Variants in SNX33 observed in about 807,000 individuals in gnomAD.
The protein encoded by SNX33 is sorting nexin-33.
In SNX33, 19 loss-of-function variants were observed where a neutral mutation model predicts 38.8. The ratio of observed to expected loss-of-function variants is 0.49; its 90% CI spans 0.34 to 0.72. The LOEUF (loss-of-function observed/expected upper bound fraction) is 0.72, where lower values mean the gene tolerates loss of function less well. Among genes scored for constraint, SNX33 ranks in the 30% least tolerant of loss-of-function variants. The probability of loss-of-function intolerance (pLI) is 0.01; values close to 1 mark genes in which losing one functional copy is unlikely to be tolerated. For missense variants in SNX33, 641 were observed against 776.4 expected, an observed-to-expected ratio of 0.83 and a Z score of 2.07; for synonymous variants, 246 against 289.7, an observed-to-expected ratio of 0.85 and a Z score of 1.53.
Position 75,649,486 on chromosome 15 carries a change from G to A in SNX33, c.384G>A (p.Glu128=), listed in dbSNP as rs1486569126. Reference sequence around the variant, plus strand: ...GGGACGACGGATGCACAGTGGTGGAGGAGCCACGGGCTGGTGGGCTGGGCA... The same window carrying A: ...GGGACGACGGATGCACAGTGGTGGAAGAGCCACGGGCTGGTGGGCTGGGCA... ...DDWDDGCTVV[E]EPRAGGLGTN... The change falls in exon 1 of 2, where the codon GAG becomes GAA. Residue 128 remains glutamate (E), a synonymous_variant. Coordinates refer to ENST00000308527, the MANE Select transcript of SNX33 (RefSeq NM_153271.2). The surrounding 1 kb of genome is among the most constrained non-coding windows in gnomAD (Gnocchi z 6.6). 5 of 1,551,736 alleles carry A rather than the reference G, an allele frequency of 3.2e-6. No individual in the cohort carries two copies. The highest frequency in any genetic ancestry group is 4.4e-6 in the Non-Finnish European group (5 of 1,145,972).
At position 75,650,470 on chromosome 15, in the gene SNX33, G is replaced by A. The variant is rs1015086590; in HGVS notation, c.1368G>A (p.Met456Ile). Residue 456 changes from methionine to isoleucine, a missense_variant, in exon 1 of 2, where the codon ATG (methionine) becomes ATA (isoleucine). This residue lies in a region of SNX33 where 398 missense variants were observed against 542.5 expected (regional missense o/e 0.73). Transcript: ENST00000308527. This position sits in a 1 kb window ranked among gnomAD's most constrained non-coding sequence, Gnocchi z 6.1. ...TGRTYEAIGE[M>I]FAEQPKNDLF... ...GTACCTATGAAGCCATCGGGGAGAT[G>A]TTTGCTGAGCAGCCCAAGAATGACC... 27 of 1,614,046 alleles carry A rather than the reference G, an allele frequency of 1.7e-5. No homozygotes were observed. Among genetic ancestry groups the A allele is most frequent in the Non-Finnish European group, 2.1e-5 (25 of 1,180,040 alleles).
At chr15:75,652,050 T>C (rs1351909699) in intron 1 of SNX33, among the ~76,000 whole-genome samples, 2 of 147,666 alleles carry the variant, frequency 1.4e-5, no homozygotes, top group East Asian at 4.3e-4. Flanking sequence ...TTCCTCCTCC[T>C]CTGAACTCCA....
rs2141396617 is a variant in SNX33, at chr15:75,649,975, G to C, written c.873G>C (p.Glu291Asp). The change falls in exon 1 of 2, where the codon GAG (glutamate) becomes GAC (aspartate). Residue 291 changes from glutamate (E) to aspartate (D), a missense_variant. Physicochemically the swap from Glu to Asp is conservative, Grantham distance 45 (BLOSUM62 2). This residue lies in a region of SNX33 where 398 missense variants were observed against 542.5 expected (regional missense o/e 0.73). Coordinates refer to ENST00000308527, the MANE Select transcript of SNX33 (RefSeq NM_153271.2). This position sits in a 1 kb window ranked among gnomAD's most constrained non-coding sequence, Gnocchi z 6.6. The stretch of plus-strand genomic sequence containing the variant: ...TCATCTCGGTGCCCCACCTGCCTGA[G>C]AAGCAGGCCACTGGCCGCTTCGAGG... ...FTVISVPHLPEKQATGRFEED... is the reference protein window; with the variant it reads ...FTVISVPHLPDKQATGRFEED... 1 of 1,603,644 alleles carries C rather than the reference G, an allele frequency of 6.2e-7. No homozygotes were observed. The highest frequency in any genetic ancestry group is 2.2e-5 in the East Asian group (1 of 44,772).
In SNX33 at chr15:75,652,439, C is replaced by T. The variant is rs1893597346; in HGVS notation, c.1471+1866C>T. Reference sequence around the variant, plus strand: ...GGGGAATGCAATGATTAAACAGATGCTCCCATGCAGTGGCTGGGGACCCCC... The same window carrying T: ...GGGGAATGCAATGATTAAACAGATGTTCCCATGCAGTGGCTGGGGACCCCC... On this transcript the variant is annotated intron_variant, in intron 1 of 1. Coordinates refer to ENST00000308527, the MANE Select transcript of SNX33 (RefSeq NM_153271.2). Among the ~76,000 whole-genome samples the T allele has an allele frequency of 3.9e-5, 6 of 152,336 alleles. No individual in the cohort carries two copies. The South Asian group carries it at 1.2e-3, about 32-fold the overall frequency.
intron 1 of SNX33, 35 bp from the exon 2 acceptor site, chr15:75,656,927 C>A (rs1396143919): frequency 1.3e-6 from 2 of 1,596,562 alleles, no homozygotes; most frequent in Non-Finnish European, 1.7e-6. Flanking sequence ...GAGATCAGAG[C>A]CCTCACACGC....
In SNX33 at chr15:75,661,737, T is replaced by A. The variant is rs1274362775; in HGVS notation, c.*4522T>A. 6.6e-6 allele frequency: 1 copy of A among 152,148 alleles called. No homozygotes were observed. The highest frequency in any genetic ancestry group is 1.5e-5 in the Non-Finnish European group (1 of 68,030). 9.4% of individuals were successfully genotyped at this position (152,148 alleles called of 1,614,324 possible). A position where few individuals can be genotyped will look rare whatever the true frequency, so the allele number is the denominator to read the frequency against. On this transcript the variant is annotated 3_prime_UTR_variant, in exon 2 of 2. Transcript: ENST00000308527. This position sits in a 1 kb window ranked among gnomAD's most constrained non-coding sequence, Gnocchi z 4.5. ...CCTGCCTAGGTTCACACAGGGAATC[T>A]CTGGCGGGGCTGGACTCAAACCCAG...
Position 75,660,949 on chromosome 15 carries a change from A to C in SNX33, c.*3734A>C, listed in dbSNP as rs1344476625. The C allele has an allele frequency of 1.3e-5, 2 of 152,204 alleles. No individual in the cohort carries two copies. Among genetic ancestry groups the C allele is most frequent in the East Asian group, 3.9e-4 (2 of 5,180 alleles). 9.4% of individuals were successfully genotyped at this position (152,204 alleles called of 1,614,324 possible). ...GCAATTGGGATGACTGGATACCACCAAGTTCAGCTCCTTATTGAACAGATG... is the reference window on the plus strand; with the variant it reads ...GCAATTGGGATGACTGGATACCACCCAGTTCAGCTCCTTATTGAACAGATG... On this transcript the variant is annotated 3_prime_UTR_variant, in exon 2 of 2. Transcript: ENST00000308527.
In SNX33 at chr15:75,650,649, G is replaced by A; in HGVS notation, c.1471+76G>A. The A allele has an allele frequency of 6.8e-7, 1 of 1,471,350 alleles. No individual in the cohort carries two copies. 91.1% of individuals were successfully genotyped at this position (1,471,350 alleles called of 1,614,324 possible). On this transcript the variant is annotated intron_variant, in intron 1 of 1. Coordinates refer to ENST00000308527, the MANE Select transcript of SNX33 (RefSeq NM_153271.2). This position sits in a 1 kb window ranked among gnomAD's most constrained non-coding sequence, Gnocchi z 6.1. ...GGCCCTGGGGAGATGGGGATGGCCT[G>A]GATAGAATGGAGCAACTTGTCTTTA... is the stretch of plus-strand genomic sequence containing the variant.
intron 1 of SNX33, among the ~76,000 whole-genome samples, chr15:75,656,050 C>T (rs552252367): frequency 6.6e-6 from 1 of 152,330 alleles, no homozygotes; most frequent in East Asian, 1.9e-4. Flanking sequence ...GGTTCATCTC[C>T]ACCCCCCATC....
rs770118554 is a variant in SNX33, at chr15:75,658,511, C to T, written c.*1296C>T. The T allele has an allele frequency of 4.6e-5, 7 of 152,678 alleles. No homozygotes were observed. The highest frequency in any genetic ancestry group is 7.2e-5 in the African/African-American group (3 of 41,446). 9.5% of individuals were successfully genotyped at this position (152,678 alleles called of 1,614,324 possible). A position where few individuals can be genotyped will look rare whatever the true frequency, so the allele number is the denominator to read the frequency against. On this transcript the variant is annotated 3_prime_UTR_variant, in exon 2 of 2. Coordinates refer to ENST00000308527, the MANE Select transcript of SNX33 (RefSeq NM_153271.2). This position sits in a 1 kb window ranked among gnomAD's most constrained non-coding sequence, Gnocchi z 4.1. ...CCCAGGTCAGGGTGTGGTCCAGCAG[C>T]TTGCTGTGGGGTGCTGACATGTGTC...
At position 75,649,855 on chromosome 15, in the gene SNX33, C is replaced by G. The variant is rs539648345; in HGVS notation, c.753C>G (p.Ser251=). 3.9e-6 allele frequency: 6 copies of G among 1,530,418 alleles called. No homozygotes were observed. The Admixed American group carries it at 1.3e-4, about 33-fold the overall frequency. 94.8% of individuals were successfully genotyped at this position (1,530,418 alleles called of 1,614,324 possible). The part of the protein sequence containing the change: ...TKFKGIKSYI[S]YKLTPTHAAS... ...TCAAGGGCATCAAAAGCTACATCTC[C>G]TACAAGCTCACACCCACCCATGCTG... Residue 251 remains serine, a synonymous_variant, in exon 1 of 2, where the codon TCC becomes TCG. Transcript: ENST00000308527. This position sits in a 1 kb window ranked among gnomAD's most constrained non-coding sequence, Gnocchi z 6.6.
chr15:75,650,459 A>G lies in SNX33; in HGVS notation c.1357A>G (p.Ile453Val). ...ISHTGRTYEA[I>V]GEMFAEQPKN... ...TCACACGGGCCGTACCTATGAAGCCATCGGGGAGATGTTTGCTGAGCAGCC... is the reference window on the plus strand; with the variant it reads ...TCACACGGGCCGTACCTATGAAGCCGTCGGGGAGATGTTTGCTGAGCAGCC... The change falls in exon 1 of 2, where the codon ATC (isoleucine) becomes GTC (valine). Residue 453 changes from isoleucine (I) to valine (V), a missense_variant. Physicochemically the swap from Ile to Val is conservative, Grantham distance 29. Around this residue, in one of 2 missense-constraint regions of SNX33, gnomAD observed 398 missense variants for 542.5 expected, o/e 0.73. Coordinates refer to ENST00000308527, the MANE Select transcript of SNX33 (RefSeq NM_153271.2). This position sits in a 1 kb window ranked among gnomAD's most constrained non-coding sequence, Gnocchi z 6.1. The G allele has an allele frequency of 6.2e-7, 1 of 1,614,146 alleles. No homozygotes were observed. The highest frequency in any genetic ancestry group is 1.1e-5 in the South Asian group (1 of 91,078).
chr15:75,652,587 T>C (rs953090468), intron 1 of SNX33, among the ~76,000 whole-genome samples: 4 of 152,210 alleles, frequency 2.6e-5, no homozygotes, highest in African/African-American at 9.7e-5. Context: ...AGAGCTGAGA[T>C]AGGCCATTTC....
chr15:75,653,947 G>A (rs887918969), intron 1 of SNX33, among the ~76,000 whole-genome samples: 3 of 151,988 alleles, frequency 2.0e-5, no homozygotes, highest in Non-Finnish European at 4.4e-5. Context: ...CAAAAAAATA[G>A]CCAGGCATGG....
At position 75,649,380 on chromosome 15, in the gene SNX33, C is replaced by G; in HGVS notation, c.278C>G (p.Pro93Arg). 6.4e-7 allele frequency: 1 copy of G among 1,551,732 alleles called. No individual in the cohort carries two copies. The highest frequency in any genetic ancestry group is 8.7e-7 in the Non-Finnish European group (1 of 1,146,454). ...TACAACAGCCCCAGTGTGGCCAGCC[C>G]AGCTAGGAGTGGTGGGGGCAGTGGC... ...SLYNSPSVAS[P>R]ARSGGGSGFL... is the part of the protein sequence containing the mutation. Residue 93 changes from proline (P) to arginine (R), a missense_variant, in exon 1 of 2, where the codon CCA (proline) becomes CGA (arginine). Pro to Arg is a moderately radical substitution (Grantham distance 103). Transcript: ENST00000308527. This position sits in a 1 kb window ranked among gnomAD's most constrained non-coding sequence, Gnocchi z 6.6.
chr15:75,661,578 C>T lies in SNX33; in HGVS notation c.*4363C>T, dbSNP rs764843825. 4 of 152,124 alleles carry T rather than the reference C, an allele frequency of 2.6e-5. No individual in the cohort carries two copies. Among genetic ancestry groups the T allele is most frequent in the Non-Finnish European group, 5.9e-5 (4 of 68,044 alleles). 9.4% of individuals were successfully genotyped at this position (152,124 alleles called of 1,614,324 possible). On this transcript the variant is annotated 3_prime_UTR_variant, in exon 2 of 2. Coordinates refer to ENST00000308527, the MANE Select transcript of SNX33 (RefSeq NM_153271.2). The surrounding 1 kb of genome is among the most constrained non-coding windows in gnomAD (Gnocchi z 4.5). ...GTTTGGTTTTGTTTTGTTGGTCAAA[C>T]CCCAGTGCAGTGCAGTCTGTTTAAG...
rs1893709369 is a variant in SNX33, at chr15:75,660,414, C to CCAGA, written c.*3200_*3203dup. On this transcript the variant is annotated 3_prime_UTR_variant, in exon 2 of 2. Coordinates refer to ENST00000308527, the MANE Select transcript of SNX33 (RefSeq NM_153271.2). The stretch of plus-strand genomic sequence containing the variant: ...CGGCCCCTGCTCTGCACCACCCCTC[C>CCAGA]CAGATGACAGAGCCATATGTCTTCC... 1 of 152,370 alleles carries CCAGA rather than the reference C, an allele frequency of 6.6e-6. No individual in the cohort carries two copies. The highest frequency in any genetic ancestry group is 1.5e-5 in the Non-Finnish European group (1 of 68,078). 9.4% of individuals were successfully genotyped at this position (152,370 alleles called of 1,614,324 possible). A position where few individuals can be genotyped will look rare whatever the true frequency, so the allele number is the denominator to read the frequency against.
chr15:75,652,692 C>G (rs966064784), intron 1 of SNX33, among the ~76,000 whole-genome samples: 1 of 152,214 alleles, frequency 6.6e-6, no homozygotes, highest in Non-Finnish European at 1.5e-5. Flanking sequence ...ACTGCCTTCC[C>G]TCCCCGGGAG....
rs1432225476 is a variant in SNX33 at position 75,660,806 on chromosome 15, C to T, written c.*3591C>T. On this transcript the variant is annotated 3_prime_UTR_variant, in exon 2 of 2. Coordinates refer to ENST00000308527, the MANE Select transcript of SNX33 (RefSeq NM_153271.2). ...GCATGACCTCCCAGGGTCCCCACCT[C>T]ATCAGAGATTAAGGAGAGCTTTGCT... 1.3e-5 allele frequency: 2 copies of T among 152,330 alleles called. No individual in the cohort carries two copies. The highest frequency in any genetic ancestry group is 1.3e-4 in the Admixed American group (2 of 15,284). 9.4% of individuals were successfully genotyped at this position (152,330 alleles called of 1,614,324 possible).
Sources: allele counts gnomAD v4.1 joint callset (sites outside exome capture counted in the v4.1 genomes callset), GRCh38; gene constraint gnomAD v4.1.1; regional missense constraint gnomAD v4.1.1; non-coding constraint Gnocchi (gnomAD v3.1); transcripts MANE v1.5; gene names NCBI Gene and HGNC (gene_info 2026-07-23, HGNC 2026-07-21).